Variants in QTGAL observed in about 807,000 individuals in gnomAD.
QTGAL encodes the protein queuosine-tRNA galactosyltransferase.
chr17:83,011,251 C>T, the QTGAL span, among the ~76,000 whole-genome samples: 38 of 152,310 alleles, frequency 2.5e-4, no homozygotes, highest in African/African-American at 7.7e-4. Context: ...AGTTACAGGG[C>T]GCAATGCGGG....
the QTGAL span, chr17:82,957,260 G>A: frequency 9.3e-6 from 15 of 1,614,048 alleles, no homozygotes; most frequent in Non-Finnish European, 1.2e-5. Flanking sequence ...CTGGGGACAA[G>A]CACAGAAGGG....
chr17:83,021,955 CAGAG>C, the QTGAL span, among the ~76,000 whole-genome samples: 1 of 152,122 alleles, frequency 6.6e-6, no homozygotes, highest in Non-Finnish European at 1.5e-5. Flanking sequence ...GATAATTCCA[CAGAG>C]AAAGAACAGG....
the QTGAL span, among the ~76,000 whole-genome samples, chr17:82,961,782 C>G: frequency 6.6e-6 from 1 of 152,254 alleles, no homozygotes; most frequent in Non-Finnish European, 1.5e-5. Flanking sequence ...CAGTGGGACT[C>G]TGCTCCAGAA....
At chr17:83,035,434 G>A in the QTGAL span, among the ~76,000 whole-genome samples, 1 of 152,092 alleles carries the variant, frequency 6.6e-6, no homozygotes, top group Admixed American at 6.5e-5. Context: ...CTCCCAAAGT[G>A]CTGGGATTAC....
the QTGAL span, among the ~76,000 whole-genome samples, chr17:83,018,573 C>T: frequency 6.6e-6 from 1 of 152,228 alleles, no homozygotes; most frequent in East Asian, 1.9e-4. Flanking sequence ...ATTCTTAATA[C>T]CCAAAGTCTC....
chr17:83,028,266 T>A, the QTGAL span, among the ~76,000 whole-genome samples: 1 of 151,060 alleles, frequency 6.6e-6, no homozygotes, highest in African/African-American at 2.4e-5. Flanking sequence ...GGCTCACACC[T>A]GTAATCCCAG....
chr17:83,033,185 T>A, the QTGAL span, among the ~76,000 whole-genome samples: 1 of 152,244 alleles, frequency 6.6e-6, no homozygotes, highest in South Asian at 2.1e-4. Context: ...AGCGACTACC[T>A]GTTATTCAGT....
chr17:82,993,205 A>G, the QTGAL span, among the ~76,000 whole-genome samples: 1 of 152,138 alleles, frequency 6.6e-6, no homozygotes, highest in Non-Finnish European at 1.5e-5. Flanking sequence ...ACAAGACCCA[A>G]TGATCTGTTG....
the QTGAL span, among the ~76,000 whole-genome samples, chr17:83,026,729 A>G: frequency 0.012 from 532 of 44,374 alleles, no homozygotes; most frequent in African/African-American, 0.023. Flanking sequence ...GGAGGGCAGG[A>G]AGCCTGCAGA....
At chr17:83,004,660 T>C in the QTGAL span, among the ~76,000 whole-genome samples, 28 of 109,614 alleles carry the variant, frequency 2.6e-4, no homozygotes, top group East Asian at 5.6e-4. Flanking sequence ...ATTCCTGAGC[T>C]CGCCCTCCCA....
the QTGAL span, chr17:83,035,009 A>G: frequency 6.5e-7 from 1 of 1,542,156 alleles, no homozygotes; most frequent in South Asian, 1.1e-5. Context: ...ACATTTATAC[A>G]TTATAAACAA....
chr17:82,995,760 C>T, the QTGAL span, among the ~76,000 whole-genome samples: 5 of 152,084 alleles, frequency 3.3e-5, no homozygotes, highest in African/African-American at 1.2e-4. Flanking sequence ...ACAATAGCTA[C>T]AAATAAAATA....
the QTGAL span, chr17:83,006,032 G>A: frequency 9.7e-7 from 1 of 1,030,914 alleles, no homozygotes; most frequent in East Asian, 8.9e-5. The surrounding 1 kb of genome is among the most constrained non-coding windows in gnomAD (Gnocchi z 5.8). Flanking sequence ...GCGTCCGTAG[G>A]AAACAGCACC....
chr17:82,958,892 GGTGTGT>G, the QTGAL span, among the ~76,000 whole-genome samples: 1 of 110,468 alleles, frequency 9.1e-6, no homozygotes. Flanking sequence ...GGGGGTGTAT[GGTGTGT>G]GTGTGTATAC....
At chr17:83,013,316 G>A in the QTGAL span, among the ~76,000 whole-genome samples, 5 of 151,006 alleles carry the variant, frequency 3.3e-5, no homozygotes, top group East Asian at 2.0e-4. Flanking sequence ...CACGTGAGAC[G>A]CAAACCTCCG....
chr17:82,950,557 T>A, the QTGAL span, among the ~76,000 whole-genome samples: 1 of 152,202 alleles, frequency 6.6e-6, no homozygotes, highest in Non-Finnish European at 1.5e-5. Flanking sequence ...CCCCGGTAAC[T>A]TGGACAACGG....
chr17:82,962,670 T>A, the QTGAL span, among the ~76,000 whole-genome samples: 2 of 145,512 alleles, frequency 1.4e-5, no homozygotes, highest in African/African-American at 5.0e-5. Flanking sequence ...CAGGGGTCAC[T>A]GAGGTATTTT....
chr17:83,030,929 T>C, the QTGAL span: 1 of 152,242 alleles, frequency 6.6e-6, no homozygotes, highest in African/African-American at 2.4e-5. Context: ...AAAGAAAACC[T>C]GGTCGGCTCA....
chr17:82,995,591 C>T, the QTGAL span, among the ~76,000 whole-genome samples: 1 of 152,164 alleles, frequency 6.6e-6, no homozygotes, highest in South Asian at 2.1e-4. Flanking sequence ...GCTATGTTAA[C>T]CAGGATGGGT....
Sources: allele counts gnomAD v4.1 joint callset (sites outside exome capture counted in the v4.1 genomes callset), GRCh38; gene constraint gnomAD v4.1.1; non-coding constraint Gnocchi (gnomAD v3.1); transcripts MANE v1.5; gene names NCBI Gene and HGNC (gene_info 2026-07-23, HGNC 2026-07-21).